The following LDLRAD4 variants were observed in gnomAD, a reference collection of about 807,000 sequenced individuals.
The protein encoded by LDLRAD4 is low-density lipoprotein receptor class A domain-containing protein 4.
Under a neutral mutation model 17.0 loss-of-function variants are expected in LDLRAD4, and 5 were observed. The ratio of observed to expected loss-of-function variants is 0.29; its 90% CI spans 0.15 to 0.62. The LOEUF is 0.62. Ranked by LOEUF, LDLRAD4 falls within the 20% of genes least tolerant of loss-of-function variation. The pLI, the probability that LDLRAD4 is intolerant of heterozygous loss-of-function variation, is 0.84. For synonymous variants in LDLRAD4, 168 were observed against 171.8 expected (o/e 0.98, Z 0.17); for missense variants, 340 against 424.7 (o/e 0.80, Z 1.75).
chr18:13,466,472 C>CAAAAA (rs5823251), intron 3 of LDLRAD4, among the ~76,000 whole-genome samples: 8,299 of 107,740 alleles, frequency 0.077, 394 homozygotes, highest in South Asian at 0.14. Context: ...CTTGTTTCAC[C>CAAAAA]AAAAAAAAAA....
At chr18:13,516,215 C>T (rs2027683) in intron 3 of LDLRAD4, 47,975 of 152,114 alleles carry the variant, frequency 0.32, 8,058 homozygotes, top group Middle Eastern at 0.51. Flanking sequence ...TCCCCCTCTT[C>T]CCTACACCCA....
Position 13,621,444 on chromosome 18 carries a change from C to A in LDLRAD4, c.336+173C>A, listed in dbSNP as rs912102632. Among the ~76,000 whole-genome samples the A allele has an allele frequency of 1.3e-5, 2 of 152,244 alleles. No homozygotes were observed. The highest frequency in any genetic ancestry group is 2.9e-5 in the Non-Finnish European group (2 of 68,040). ...CCACAAACTGAACACACCAGTGTGA[C>A]CAGCACCCAGTGAACATACAGACAC... On this transcript the variant is annotated intron_variant, in intron 4 of 5. Transcript: ENST00000359446. The surrounding 1 kb of genome is among the most constrained non-coding windows in gnomAD (Gnocchi z 5.5).
chr18:13,573,029 G>A (rs149344383), intron 3 of LDLRAD4, among the ~76,000 whole-genome samples: 1 of 152,240 alleles, frequency 6.6e-6, no homozygotes, highest in African/African-American at 2.4e-5. Flanking sequence ...ATGTTGGAAA[G>A]CTGCAGTGTT....
intron 2 of LDLRAD4, among the ~76,000 whole-genome samples, chr18:13,408,820 G>A (rs1377090176): frequency 1.3e-5 from 2 of 151,974 alleles, no homozygotes; most frequent in Non-Finnish European, 2.9e-5. Context: ...CTTCTCTCCC[G>A]TAGCTCCTTT....
At position 13,479,707 on chromosome 18, in the gene LDLRAD4, C is replaced by T. The variant is rs4464146; in HGVS notation, c.181+41323C>T. ...CAATCTGATAATGGACCAAACTATA[C>T]GAAGAACTCTTAAAACTCAACAGTA... On this transcript the variant is annotated intron_variant, in intron 3 of 5. Coordinates refer to ENST00000359446, the Ensembl canonical transcript of LDLRAD4. Among the ~76,000 whole-genome samples the T allele has an allele frequency of 8.7e-4, 133 of 152,028 alleles. 1 individual carries two copies. The East Asian group carries it at 0.024, about 27-fold the overall frequency.
chr18:13,306,177 A>G (rs2046902091), intron 1 of LDLRAD4, among the ~76,000 whole-genome samples: 1 of 152,242 alleles, frequency 6.6e-6, no homozygotes, highest in Non-Finnish European at 1.5e-5. Context: ...ATTTATTAGT[A>G]AGGAAGAGAA....
chr18:13,356,371 G>A (rs962434312), intron 1 of LDLRAD4, among the ~76,000 whole-genome samples: 8 of 152,210 alleles, frequency 5.3e-5, no homozygotes, highest in African/African-American at 1.9e-4. Context: ...CCGGGTAAAT[G>A]CATTGCTTAA....
chr18:13,444,620 G>T (rs1284939748), intron 3 of LDLRAD4, among the ~76,000 whole-genome samples: 1 of 152,170 alleles, frequency 6.6e-6, no homozygotes, highest in African/African-American at 2.4e-5. Flanking sequence ...GACACTCAGA[G>T]TGTTGACTGG....
chr18:13,231,362 C>G (rs914998199), intron 1 of LDLRAD4, among the ~76,000 whole-genome samples: 3 of 152,172 alleles, frequency 2.0e-5, no homozygotes, highest in Non-Finnish European at 4.4e-5. Flanking sequence ...GGGCGCTGCT[C>G]TTGGTGAGCA....
intron 1 of LDLRAD4, among the ~76,000 whole-genome samples, chr18:13,245,529 C>T (rs1389822301): frequency 6.6e-6 from 1 of 152,160 alleles, no homozygotes; most frequent in East Asian, 1.9e-4. Context: ...AGTGCTGTGC[C>T]CAGGTCAGCC....
At chr18:13,336,969 A>G (rs1017371590) in intron 1 of LDLRAD4, among the ~76,000 whole-genome samples, 5 of 151,986 alleles carry the variant, frequency 3.3e-5, no homozygotes, top group African/African-American at 1.2e-4. Flanking sequence ...TGCTTTTCCA[A>G]TTCCCTTTTT....
chr18:13,512,948 G>A (rs189430530), intron 3 of LDLRAD4, among the ~76,000 whole-genome samples: 1 of 152,212 alleles, frequency 6.6e-6, no homozygotes, highest in East Asian at 1.9e-4. Context: ...ACTGCCTTTT[G>A]GACTTCGGAG....
chr18:13,314,345 CTT>C lies in LDLRAD4; in HGVS notation c.-383+36158_-383+36159del, dbSNP rs539607231. On this transcript the variant is annotated intron_variant, in intron 1 of 5. Transcript: ENST00000359446. ...GAGTTATTTTCTGGAAAAATTGTGA[CTT>C]ATGTTTTTAGATTGTTAACTTGTGT... is the stretch of plus-strand genomic sequence containing the variant. Among the ~76,000 whole-genome samples the C allele has an allele frequency of 1.9e-3, 292 of 152,176 alleles. 1 individual carries two copies. Among genetic ancestry groups the C allele is most frequent in the Non-Finnish European group, 3.2e-3 (218 of 68,010 alleles).
intron 1 of LDLRAD4, among the ~76,000 whole-genome samples, chr18:13,278,868 A>T (rs1256704620): frequency 6.6e-6 from 1 of 152,168 alleles, no homozygotes; most frequent in Non-Finnish European, 1.5e-5. Context: ...AAACAACTTG[A>T]TGAGGAATCC....
At chr18:13,442,178 T>G (rs1600296920) in intron 3 of LDLRAD4, among the ~76,000 whole-genome samples, 1 of 152,228 alleles carries the variant, frequency 6.6e-6, no homozygotes, top group East Asian at 1.9e-4. Flanking sequence ...GTACCTTCTC[T>G]GGTCATTGTA....
intron 3 of LDLRAD4, chr18:13,526,100 A>G (rs1794664579): frequency 2.0e-5 from 3 of 152,150 alleles, no homozygotes; most frequent in Non-Finnish European, 4.4e-5. Context: ...TGGGAATTTT[A>G]TGGCACTGTT....
intron 1 of LDLRAD4, among the ~76,000 whole-genome samples, chr18:13,244,987 T>C (rs1454119032): frequency 2.0e-5 from 3 of 152,206 alleles, no homozygotes; most frequent in African/African-American, 7.2e-5. Flanking sequence ...TGCAATTCCG[T>C]GAGGCACTGC....
chr18:13,286,876 G>A (rs1183418803), intron 1 of LDLRAD4, among the ~76,000 whole-genome samples: 1 of 152,198 alleles, frequency 6.6e-6, no homozygotes, highest in East Asian at 1.9e-4. Context: ...GATTGTGTTG[G>A]TAGCTGGAAT....
intron 3 of LDLRAD4, chr18:13,472,363 G>T (rs1299052382): frequency 2.0e-5 from 3 of 152,286 alleles, no homozygotes; most frequent in African/African-American, 4.8e-5. Flanking sequence ...GCAGATAAAA[G>T]AAGTCATTTA....
Sources: allele counts gnomAD v4.1 joint callset (sites outside exome capture counted in the v4.1 genomes callset), GRCh38; gene constraint gnomAD v4.1.1; non-coding constraint Gnocchi (gnomAD v3.1); transcripts MANE v1.5; gene names NCBI Gene and HGNC (gene_info 2026-07-23, HGNC 2026-07-21).